Variants in LMO7 observed in about 807,000 individuals in gnomAD.
The protein encoded by LMO7 is LIM domain only protein 7.
In LMO7, 120 loss-of-function variants were observed where a neutral mutation model predicts 206.5. The ratio of observed to expected loss-of-function variants is 0.58; its 90% CI spans 0.50 to 0.68. LMO7 has a LOEUF of 0.68. Among genes scored for constraint, LMO7 ranks in the 30% least tolerant of loss-of-function variants. LMO7 has a pLI of 0.00. For synonymous variants in LMO7, 706 were observed against 681.5 expected (o/e 1.04, Z -0.56); for missense variants, 1,959 against 1,957.9 (o/e 1.00, Z -0.01).
At chr13:75,625,667 C>T (rs1235807713) in intron 2 of LMO7, among the ~76,000 whole-genome samples, 3 of 152,138 alleles carry the variant, frequency 2.0e-5, no homozygotes, top group Admixed American at 1.3e-4. Context: ...TTTCTGTCCA[C>T]GAAGACCAAA....
intron 1 of LMO7, among the ~76,000 whole-genome samples, chr13:75,681,706 G>GTGTGTATATATATATATATATA (rs1259746833): frequency 1.1e-5 from 1 of 93,326 alleles, no homozygotes; most frequent in African/African-American, 3.6e-5. Context: ...GTATGTATGT[G>GTGTGTATATATATATATATATA]TATATATATA....
At chr13:75,850,931 G>A (rs1282854314) in intron 27 of LMO7, among the ~76,000 whole-genome samples, 3 of 152,088 alleles carry the variant, frequency 2.0e-5, no homozygotes, top group Non-Finnish European at 4.4e-5. Context: ...TGAGAGCTTG[G>A]CCAGAGCTAC....
intron 4 of LMO7, among the ~76,000 whole-genome samples, chr13:75,777,799 C>T (rs34929735): frequency 0.022 from 3,415 of 151,974 alleles, 53 homozygotes; most frequent in Non-Finnish European, 0.034. Context: ...GCGCCTGCCA[C>T]GACGCCCGCC....
chr13:75,643,470 T>G (rs1275392446), intron 1 of LMO7, among the ~76,000 whole-genome samples: 2 of 152,224 alleles, frequency 1.3e-5, no homozygotes, highest in Non-Finnish European at 2.9e-5. Context: ...TCCCAAATAC[T>G]TGTTGAATGA....
chr13:75,776,558 G>A (rs187259452), intron 4 of LMO7, among the ~76,000 whole-genome samples: 74 of 152,164 alleles, frequency 4.9e-4, no homozygotes, highest in African/African-American at 1.6e-3. Context: ...CAATAACTTC[G>A]ATTGTGATTT....
At chr13:75,805,377 T>G in intron 8 of LMO7, 102 bp from the exon 9 acceptor site, 5 of 1,260,146 alleles carry the variant, frequency 4.0e-6, no homozygotes, top group Non-Finnish European at 5.5e-6. Context: ...TAATTTGCTT[T>G]GTTCACAGTG....
chr13:75,752,224 C>G (rs958445285), intron 3 of LMO7, among the ~76,000 whole-genome samples: 7 of 152,102 alleles, frequency 4.6e-5, no homozygotes, highest in African/African-American at 1.4e-4. Context: ...CTCTGCCTCC[C>G]AAGTTCAGCA....
At chr13:75,795,585 A>AT (rs752566265) in intron 5 of LMO7, among the ~76,000 whole-genome samples, 154 bp downstream of exon 5, 14 of 152,224 alleles carry the variant, frequency 9.2e-5, no homozygotes, top group Admixed American at 2.6e-4. Flanking sequence ...ATGTTTAAAT[A>AT]TATGCATTAC....
intron 1 of LMO7, among the ~76,000 whole-genome samples, chr13:75,643,318 A>G (rs2036726953): frequency 6.6e-6 from 1 of 152,210 alleles, no homozygotes; most frequent in South Asian, 2.1e-4. Flanking sequence ...TAGTTAAGAA[A>G]AGCAAAGTGA....
chr13:75,683,558 C>T (rs958950605), intron 1 of LMO7, among the ~76,000 whole-genome samples: 1 of 152,112 alleles, frequency 6.6e-6, no homozygotes, highest in African/African-American at 2.4e-5. Flanking sequence ...TACTTTTAAA[C>T]CCAAGGGCAA....
At chr13:75,795,278 T>A (rs2053835240) in intron 4 of LMO7, 123 bp from the exon 5 acceptor site, 3 of 664,360 alleles carry the variant, frequency 4.5e-6, no homozygotes, top group Non-Finnish European at 7.8e-6. Flanking sequence ...CTCTAAGAGA[T>A]TTGGACTTCC....
intron 26 of LMO7, among the ~76,000 whole-genome samples, chr13:75,848,086 T>G (rs1246751309): frequency 6.6e-6 from 1 of 152,096 alleles, no homozygotes; most frequent in Non-Finnish European, 1.5e-5. Flanking sequence ...TTTCCATAGG[T>G]TTTTGGGGAA....
chr13:75,832,969 G>A, intron 15 of LMO7, 82 bp from the exon 16 acceptor site: 1 of 756,396 alleles, frequency 1.3e-6, no homozygotes, highest in Admixed American at 1.9e-5. Context: ...CTAGCGTGCA[G>A]TCTCCCTCCT....
chr13:75,755,821 G>A (rs1471830172), intron 3 of LMO7, among the ~76,000 whole-genome samples: 1 of 152,116 alleles, frequency 6.6e-6, no homozygotes, highest in Admixed American at 6.5e-5. Flanking sequence ...TTAACTAAGT[G>A]ATCTACTGGG....
intron 1 of LMO7, among the ~76,000 whole-genome samples, chr13:75,669,000 G>T (rs533379944): frequency 1.3e-5 from 2 of 152,270 alleles, no homozygotes; most frequent in East Asian, 3.9e-4. Context: ...GAGAGTAGAT[G>T]AGCAAGGAGG....
At chr13:75,690,968 G>A (rs562481211) in intron 1 of LMO7, among the ~76,000 whole-genome samples, 10 of 152,158 alleles carry the variant, frequency 6.6e-5, no homozygotes, top group African/African-American at 1.7e-4. Context: ...CCTATAAATT[G>A]TCTTTACACA....
chr13:75,851,023 A>C (rs563473217), intron 27 of LMO7, among the ~76,000 whole-genome samples: 1 of 152,186 alleles, frequency 6.6e-6, no homozygotes, highest in Non-Finnish European at 1.5e-5. Context: ...CTGGGTTCAA[A>C]GAGGAAAATC....
chr13:75,822,762 C>CTATATATATATATATATATA (rs66789925), intron 14 of LMO7, among the ~76,000 whole-genome samples: 1 of 108,448 alleles, frequency 9.2e-6, no homozygotes, highest in African/African-American at 3.6e-5. Context: ...TTTTTAGAAA[C>CTATATATATATATATATATA]TATATATATA....
chr13:75,635,558 G>T (rs766761504), upstream of LMO7, among the ~76,000 whole-genome samples: 2 of 152,212 alleles, frequency 1.3e-5, no homozygotes, highest in Non-Finnish European at 1.5e-5. Context: ...CGCTCACCGC[G>T]AGGGCGATCA....
Sources: gnomAD v4.1 joint callset for allele counts (sites outside exome capture counted in the v4.1 genomes callset) on GRCh38, gnomAD v4.1.1 for gene constraint, MANE v1.5 for transcripts, NCBI Gene and HGNC (gene_info 2026-07-23, HGNC 2026-07-21) for gene names.